Variants in EXTL3 observed in about 807,000 individuals in gnomAD.
EXTL3 encodes the protein exostosin like glycosyltransferase 3.
Under a neutral mutation model 69.3 loss-of-function variants are expected in EXTL3, and 27 were observed. The observed-to-expected ratio is 0.39, with a 90% confidence interval of 0.29 to 0.54. The LOEUF is 0.54. Among genes scored for constraint, EXTL3 ranks in the 20% least tolerant of loss-of-function variants. The pLI is 0.69. For missense variants in EXTL3, 1,003 were observed against 1,231.8 expected (o/e 0.81, Z 2.78); for synonymous variants, 511 against 499.4 (o/e 1.02, Z -0.31).
intron 1 of EXTL3, among the ~76,000 whole-genome samples, chr8:28,710,008 C>T (rs975839505): frequency 8.5e-5 from 13 of 152,334 alleles, no homozygotes; most frequent in African/African-American, 3.1e-4. Context: ...ATGGCGACTT[C>T]TGCTTTGCAT....
chr8:28,634,597 C>CTT lies in EXTL3; in HGVS notation c.-53+11802_-53+11803dup, dbSNP rs1310592146. 5.9e-4 allele frequency among the ~76,000 whole-genome samples: 80 copies of CTT among 136,162 alleles called. 1 individual carries two copies. The highest frequency in any genetic ancestry group is 2.0e-3 in the African/African-American group (73 of 35,790). 89.3% of individuals were successfully genotyped at this position (136,162 alleles called of 152,430 possible). ...AAGAGGGAAGAGATGACCACATCTGCTTTTTTTTTTTTTTTTGAGATGGAG... is the reference window on the plus strand; with the variant it reads ...AAGAGGGAAGAGATGACCACATCTGCTTTTTTTTTTTTTTTTTTGAGATGGAG... On this transcript the variant is annotated intron_variant, in intron 1 of 6. Transcript: ENST00000523149.
chr8:28,730,502 G>A (rs1000404428), intron 3 of EXTL3, among the ~76,000 whole-genome samples: 1 of 152,106 alleles, frequency 6.6e-6, no homozygotes, highest in African/African-American at 2.4e-5. Context: ...ACTGAGATAT[G>A]GTTAAATAAA....
chr8:28,714,884 T>G (rs1015176446), intron 2 of EXTL3, among the ~76,000 whole-genome samples: 20 of 152,356 alleles, frequency 1.3e-4, no homozygotes, highest in African/African-American at 4.6e-4. Flanking sequence ...CAAGGTCTGA[T>G]AGCAAATCTG....
At chr8:28,673,413 T>C (rs1807330126) in intron 1 of EXTL3, among the ~76,000 whole-genome samples, 1 of 152,176 alleles carries the variant, frequency 6.6e-6, no homozygotes, top group African/African-American at 2.4e-5. Context: ...ATGGAGGGCC[T>C]GAAGAGAACA....
chr8:28,714,934 A>ATAG (rs1251718340), intron 2 of EXTL3, among the ~76,000 whole-genome samples: 3 of 152,258 alleles, frequency 2.0e-5, no homozygotes, highest in East Asian at 3.8e-4. Context: ...ATTTCTAAGT[A>ATAG]TAGTGTTCTT....
chr8:28,614,989 G>T (rs1806313633), intron 2 of EXTL3, among the ~76,000 whole-genome samples: 1 of 151,276 alleles, frequency 6.6e-6, no homozygotes, highest in Non-Finnish European at 1.5e-5. Context: ...TGTTCTTCCT[G>T]ATCCTCTCCC....
rs1054679477 is a variant in EXTL3 at position 28,748,682 on chromosome 8, C to T, written c.2551-1975C>T. 7.2e-5 allele frequency among the ~76,000 whole-genome samples: 11 copies of T among 152,222 alleles called. 1 individual carries two copies. The highest frequency in any genetic ancestry group is 5.8e-4 in the East Asian group (3 of 5,182). ...AGAATTAGAATGGAGATCTCCTACC[C>T]GTTGCCCCGGGGAGATGACACATAC... On this transcript the variant is annotated intron_variant, in intron 6 of 6. Transcript: ENST00000220562.
intron 1 of EXTL3, among the ~76,000 whole-genome samples, chr8:28,669,892 T>A (rs58176309): frequency 6.6e-6 from 1 of 152,068 alleles, no homozygotes; most frequent in Non-Finnish European, 1.5e-5. Context: ...TGTACTGAGA[T>A]GCCAGGTTGC....
At chr8:28,670,311 A>G (rs955866528) in intron 1 of EXTL3, among the ~76,000 whole-genome samples, 2 of 152,092 alleles carry the variant, frequency 1.3e-5, no homozygotes, top group Non-Finnish European at 2.9e-5. Context: ...ACAGTGATTT[A>G]GAAGGAATTT....
At chr8:28,609,889 C>CA (rs1286510323) in intron 2 of EXTL3, among the ~76,000 whole-genome samples, 1 of 118,364 alleles carries the variant, frequency 8.4e-6, no homozygotes, top group Non-Finnish European at 1.7e-5. Flanking sequence ...GACACTGGCT[C>CA]AAAAAAATAA....
At chr8:28,690,460 GGGTGGTGGT>G (rs753808506) in intron 1 of EXTL3, among the ~76,000 whole-genome samples, 12 of 152,016 alleles carry the variant, frequency 7.9e-5, no homozygotes, top group East Asian at 1.9e-4. Flanking sequence ...TGTTTTTTCT[GGGTGGTGGT>G]GGTGGTGGTG....
In EXTL3 at chr8:28,702,306, T is replaced by C. The variant is rs1286075269; in HGVS notation, c.-570+647T>C. On this transcript the variant is annotated intron_variant, in intron 1 of 6. Coordinates refer to ENST00000220562, the MANE Select transcript of EXTL3 (RefSeq NM_001440.4). ...CAGGACCCTGGCTCCCAGGCCCAGC[T>C]CCCCTAGAGCCGGCCTCGCGCTGCA... 2.0e-5 allele frequency among the ~76,000 whole-genome samples: 3 copies of C among 152,182 alleles called. No homozygotes were observed. The South Asian group carries it at 6.2e-4, about 32-fold the overall frequency.
chr8:28,616,626 C>CA lies in EXTL3; in HGVS notation n.314+8882dup, dbSNP rs200318701. ...TGGGCGACAGAGCGAGACTCCGTCT[C>CA]AAAAAAAAAAAAAAGCCAAAATGTG... On this transcript the variant is annotated intron_variant and non_coding_transcript_variant, in intron 2 of 4. Coordinates refer to the EXTL3 transcript ENST00000522725. Among the ~76,000 whole-genome samples, 109 of 128,066 alleles carry CA rather than the reference C, an allele frequency of 8.5e-4. 2 individuals carry two copies. The highest frequency in any genetic ancestry group is 1.5e-3 in the Admixed American group (19 of 12,684). The allele number at this position is 128,066 out of a possible 152,430, so 84.0% of individuals were successfully genotyped here. A position where few individuals can be genotyped will look rare whatever the true frequency, so the allele number is the denominator to read the frequency against.
chr8:28,750,563 C>T lies in EXTL3; in HGVS notation c.2551-94C>T. 6 of 1,057,470 alleles carry T rather than the reference C, an allele frequency of 5.7e-6. No homozygotes were observed. The highest frequency in any genetic ancestry group is 8.7e-6 in the Non-Finnish European group (6 of 686,738). 65.5% of individuals were successfully genotyped at this position (1,057,470 alleles called of 1,614,324 possible). A position where few individuals can be genotyped will look rare whatever the true frequency, so the allele number is the denominator to read the frequency against. ...TTGCCCCTGAGGGGATCAGCGTCTT[C>T]ACCATGGACATGGGAGTGTGGGATC... is the stretch of plus-strand genomic sequence containing the variant. On this transcript the variant is annotated intron_variant, in intron 6 of 6. Transcript: ENST00000220562. The surrounding 1 kb of genome is among the most constrained non-coding windows in gnomAD (Gnocchi z 5.2).
intron 1 of EXTL3, among the ~76,000 whole-genome samples, chr8:28,639,951 T>C (rs1268254689): frequency 6.6e-6 from 1 of 152,066 alleles, no homozygotes; most frequent in East Asian, 1.9e-4. Context: ...AAAAATACAA[T>C]TAGCCAAGTG....
chr8:28,733,739 T>C (rs923065272), intron 4 of EXTL3, among the ~76,000 whole-genome samples: 2 of 151,902 alleles, frequency 1.3e-5, no homozygotes, highest in African/African-American at 4.8e-5. Context: ...CATGCGCTTA[T>C]TGATCAGTTA....
intron 1 of EXTL3, among the ~76,000 whole-genome samples, chr8:28,656,922 C>T (rs1434569727): frequency 1.4e-5 from 2 of 143,522 alleles, no homozygotes; most frequent in African/African-American, 4.9e-5. Flanking sequence ...CACACTCTCT[C>T]TCTCTCTTAC....
chr8:28,660,793 T>A (rs1343220345), intron 1 of EXTL3, among the ~76,000 whole-genome samples: 1 of 149,804 alleles, frequency 6.7e-6, no homozygotes, highest in African/African-American at 2.5e-5. Flanking sequence ...CAATATTACT[T>A]ACTTATCCCA....
At chr8:28,608,222 G>A (rs1468925669) in intron 2 of EXTL3, among the ~76,000 whole-genome samples, 2 of 152,218 alleles carry the variant, frequency 1.3e-5, no homozygotes, top group East Asian at 3.9e-4. Context: ...GCCTTTGGAT[G>A]TCCAGCCAGT....
Sources: allele counts gnomAD v4.1 joint callset (sites outside exome capture counted in the v4.1 genomes callset), GRCh38; gene constraint gnomAD v4.1.1; non-coding constraint Gnocchi (gnomAD v3.1); transcripts MANE v1.5; gene names NCBI Gene and HGNC (gene_info 2026-07-23, HGNC 2026-07-21).